Variants in KLF8 observed in about 807,000 individuals in gnomAD.
The protein encoded by KLF8 is KLF transcription factor 8, also known as Krueppel-like factor 8.
In KLF8, 10 loss-of-function variants were observed where a neutral mutation model predicts 18.2. The observed-to-expected ratio is 0.55, with a 90% CI of 0.34 to 0.93. The LOEUF is 0.93. Ranked by LOEUF, KLF8 falls within the 40% of genes least tolerant of loss-of-function variation. KLF8 has a pLI of 0.02. For synonymous variants in KLF8, 109 were observed against 97.3 expected (o/e 1.12, Z -0.71); for missense variants, 264 against 277.9 (o/e 0.95, Z 0.36).
At chrX:56,063,143 C>T in the KLF8 span, among the ~76,000 whole-genome samples, 1 of 111,087 alleles carries the variant, frequency 9.0e-6, no homozygotes, top group African/African-American at 3.3e-5. Context: ...TTGTTATTAC[C>T]CACCTTCTGA....
the KLF8 span, among the ~76,000 whole-genome samples, chrX:56,041,516 T>G: frequency 9.1e-6 from 1 of 109,734 alleles, no homozygotes; most frequent in African/African-American, 3.3e-5. Flanking sequence ...ATTCATTGAC[T>G]TTTTGAATGG....
At chrX:56,246,130 T>C (rs2066619908) in intron 1 of KLF8, among the ~76,000 whole-genome samples, 1 of 111,531 alleles carries the variant, frequency 9.0e-6, no homozygotes, top group Non-Finnish European at 1.9e-5. Context: ...TTGTCAGCTC[T>C]CCCTCTTATA....
chrX:56,061,992 T>A, the KLF8 span, among the ~76,000 whole-genome samples: 1 of 100,118 alleles, frequency 1.0e-5, no homozygotes, highest in African/African-American at 4.2e-5. Flanking sequence ...CCTGCTTTTT[T>A]TTTTTTTTTT....
rs745509041 is a variant in KLF8 at position 56,284,286 on chromosome X, CTT to C, written c.899-20_899-19del. Reference sequence around the variant, plus strand: ...ATCCGATCATCCTCTCTCTGATTCTCTTTTTTTTGTCACATTCCCTTTTTAGG... The same window carrying C: ...ATCCGATCATCCTCTCTCTGATTCTCTTTTTTGTCACATTCCCTTTTTAGG... On this transcript the variant is annotated intron_variant, in intron 5 of 5. Transcript: ENST00000468660. The C allele has an allele frequency of 5.3e-5, 56 of 1,062,300 alleles. 1 individual carries two copies. In the Admixed American group the frequency reaches 1.1e-3, roughly 21 times the overall value. The allele number at this position is 1,062,300 out of a possible 1,213,427, so 87.5% of individuals were successfully genotyped here. A position where few individuals can be genotyped will look rare whatever the true frequency, so the allele number is the denominator to read the frequency against.
At chrX:56,186,930 T>C in the KLF8 span, among the ~76,000 whole-genome samples, 1 of 111,326 alleles carries the variant, frequency 9.0e-6, no homozygotes, top group South Asian at 3.8e-4. Context: ...GCAGGAAAGA[T>C]CCAAAATTGA....
the KLF8 span, among the ~76,000 whole-genome samples, chrX:56,167,028 T>C: frequency 8.9e-6 from 1 of 112,295 alleles, no homozygotes; most frequent in Non-Finnish European, 1.9e-5. Flanking sequence ...CTGGCCACTC[T>C]AAAAGGACAA....
chrX:56,234,592 A>G (rs17003003), intron 1 of KLF8, among the ~76,000 whole-genome samples: 11,834 of 112,418 alleles, frequency 0.11, 1,069 homozygotes, highest in African/African-American at 0.29. Flanking sequence ...GCTAGAACAC[A>G]GGTTTTATTT....
the KLF8 span, among the ~76,000 whole-genome samples, chrX:56,007,113 GCTC>G: frequency 8.9e-6 from 1 of 112,261 alleles, no homozygotes; most frequent in Non-Finnish European, 1.9e-5. Flanking sequence ...GCATATTTTA[GCTC>G]CATATGTCCC....
chrX:56,199,673 C>T, the KLF8 span, among the ~76,000 whole-genome samples: 4 of 111,539 alleles, frequency 3.6e-5, no homozygotes, highest in Middle Eastern at 4.6e-3. Context: ...GAGAGTGTGG[C>T]GATTTTTCAA....
the KLF8 span, among the ~76,000 whole-genome samples, chrX:56,195,105 TA>T: frequency 1.8e-5 from 2 of 111,964 alleles, no homozygotes; most frequent in Non-Finnish European, 3.8e-5. Context: ...TAAAGGTAGA[TA>T]AAACCACAAA....
the KLF8 span, among the ~76,000 whole-genome samples, chrX:56,133,713 G>C: frequency 9.0e-6 from 1 of 111,415 alleles, no homozygotes; most frequent in South Asian, 3.7e-4. Flanking sequence ...TTGGTAAAGA[G>C]GAAATCAAAC....
At chrX:56,064,145 A>ATG in the KLF8 span, among the ~76,000 whole-genome samples, 564 of 100,886 alleles carry the variant, frequency 5.6e-3, no homozygotes, top group African/African-American at 0.019. Flanking sequence ...ATACATATAT[A>ATG]TGTGTGTGTG....
chrX:56,154,566 G>A, the KLF8 span, among the ~76,000 whole-genome samples: 118 of 111,616 alleles, frequency 1.1e-3, no homozygotes, highest in African/African-American at 3.7e-3. Context: ...TGTCTAAAAC[G>A]CCAAAAGCAA....
chrX:56,247,676 G>C (rs1483771453), intron 1 of KLF8, among the ~76,000 whole-genome samples: 2 of 110,361 alleles, frequency 1.8e-5, no homozygotes, highest in Admixed American at 1.9e-4. Flanking sequence ...TGAGGGTCAG[G>C]ATCATCAATA....
At chrX:56,153,464 C>T in the KLF8 span, among the ~76,000 whole-genome samples, 1 of 111,411 alleles carries the variant, frequency 9.0e-6, no homozygotes, top group South Asian at 3.7e-4. Flanking sequence ...CAATCTGTAA[C>T]AATCTGTTGT....
chrX:56,239,529 C>A (rs979556341), intron 1 of KLF8, among the ~76,000 whole-genome samples: 2 of 111,988 alleles, frequency 1.8e-5, no homozygotes, highest in Non-Finnish European at 3.8e-5. Context: ...GGATAGAGGC[C>A]AGAGACCATG....
chrX:55,972,940 G>A, the KLF8 span, among the ~76,000 whole-genome samples: 4 of 111,939 alleles, frequency 3.6e-5, no homozygotes, highest in African/African-American at 1.3e-4. Context: ...AAAGCCAGAG[G>A]CATCACACTA....
intron 5 of KLF8, among the ~76,000 whole-genome samples, chrX:56,270,795 T>A (rs761164919): frequency 1.2e-4 from 13 of 110,177 alleles, no homozygotes; most frequent in African/African-American, 4.3e-4. Flanking sequence ...CATTAACGTG[T>A]CTTTGTTCAC....
the KLF8 span, among the ~76,000 whole-genome samples, chrX:56,006,144 C>T: frequency 8.9e-6 from 1 of 112,369 alleles, no homozygotes; most frequent in South Asian, 3.7e-4. Flanking sequence ...CCATGCTCCA[C>T]TGCAGGCATT....
Sources: allele counts gnomAD v4.1 joint callset (sites outside exome capture counted in the v4.1 genomes callset), GRCh38; gene constraint gnomAD v4.1.1; transcripts MANE v1.5; gene names NCBI Gene and HGNC (gene_info 2026-07-23, HGNC 2026-07-21).